CCDC126: variants seen among roughly 807,000 people sequenced by gnomAD.
CCDC126 encodes coiled-coil domain-containing protein 126.
Under a neutral mutation model 11.7 loss-of-function variants are expected in CCDC126, and 5 were observed. That is an observed-to-expected ratio of 0.43 (90% CI 0.22 to 0.90). CCDC126 has a LOEUF of 0.90. Among genes scored for constraint, CCDC126 ranks in the 40% least tolerant of loss-of-function variants. CCDC126 has a pLI of 0.27. For missense variants in CCDC126, 150 were observed against 163.1 expected (o/e 0.92, Z 0.44); for synonymous variants, 60 against 61.9 (o/e 0.97, Z 0.14).
rs1400845232 is a variant in CCDC126 at position 23,644,612 on chromosome 7, A to G, written c.*1497A>G. On this transcript the variant is annotated 3_prime_UTR_variant, in exon 4 of 4. Coordinates refer to ENST00000307471, the MANE Select transcript of CCDC126 (RefSeq NM_138771.4). Reference sequence around the variant, plus strand: ...TAATTATATGCCATTGCCAGGTAGAAGTTTGGAATAATTGTTTAGTCTCTC... The same window carrying G: ...TAATTATATGCCATTGCCAGGTAGAGGTTTGGAATAATTGTTTAGTCTCTC... 6.6e-6 allele frequency: 1 copy of G among 152,514 alleles called. No homozygotes were observed. Among genetic ancestry groups the G allele is most frequent in the African/African-American group, 2.4e-5 (1 of 41,434 alleles). 9.4% of individuals were successfully genotyped at this position (152,514 alleles called of 1,614,324 possible).
chr7:23,629,988 T>A (rs1449379318), intron 3 of CCDC126, among the ~76,000 whole-genome samples: 1 of 152,024 alleles, frequency 6.6e-6, no homozygotes. Flanking sequence ...CAAACCCCAA[T>A]CGGGATAAAC....
Position 23,643,011 on chromosome 7 carries a change from A to AT in CCDC126, c.321dup (p.Val108CysfsTer14). 6.2e-7 allele frequency: 1 copy of AT among 1,614,158 alleles called. No homozygotes were observed. The highest frequency in any genetic ancestry group is 8.5e-7 in the Non-Finnish European group (1 of 1,179,996). ...GAAGCTGGAGAACAAAGTTGACTAT[A>AT]TTGTTGTGAATGGCTCAGCAGCCAA... On this transcript the variant is annotated frameshift_variant, in exon 4 of 4. Coordinates refer to ENST00000307471, the MANE Select transcript of CCDC126 (RefSeq NM_138771.4). LOFTEE classifies it high-confidence loss of function.
chr7:23,597,694 C>A, intron 1 of CCDC126, 89 bp downstream of exon 1: 1 of 152,906 alleles, frequency 6.5e-6, no homozygotes, highest in South Asian at 1.9e-4. Flanking sequence ...CGCCGCGCCC[C>A]CGTCCCCGGT....
At position 23,622,888 on chromosome 7, in the gene CCDC126, T is replaced by G. The variant is rs149666042; in HGVS notation, c.238+11335T>G. The G allele has an allele frequency of 1.2e-3, 441 of 366,514 alleles. 3 individuals carry two copies. Among genetic ancestry groups the G allele is most frequent in the Admixed American group, 1.8e-3 (51 of 29,016 alleles). The allele number at this position is 366,514 out of a possible 1,614,324, so 22.7% of individuals were successfully genotyped here. ...CAATGTTCTCTTGTTGCGAGTTCAT[T>G]ACACATGCAGTAACATGAATTATTA... On this transcript the variant is annotated intron_variant, in intron 3 of 3. Coordinates refer to ENST00000307471, the MANE Select transcript of CCDC126 (RefSeq NM_138771.4).
intron 3 of CCDC126, among the ~76,000 whole-genome samples, chr7:23,634,813 G>T (rs1783178565): frequency 6.6e-6 from 1 of 152,118 alleles, no homozygotes; most frequent in African/African-American, 2.4e-5. Flanking sequence ...CAGACAGCCT[G>T]CCTTGGTTCT....
chr7:23,637,465 A>G (rs866717159), intron 3 of CCDC126, among the ~76,000 whole-genome samples: 75 of 38,866 alleles, frequency 1.9e-3, no homozygotes, highest in Admixed American at 6.9e-3. Context: ...CAGCCGCCCC[A>G]TCCGGGAGGG....
At chr7:23,619,166 G>T (rs1326631610) in intron 3 of CCDC126, among the ~76,000 whole-genome samples, 5 of 152,154 alleles carry the variant, frequency 3.3e-5, no homozygotes, top group Non-Finnish European at 7.3e-5. Context: ...AGGTTTTGGA[G>T]TGGTGCACAG....
rs1782746129 is a variant in CCDC126 at position 23,613,263 on chromosome 7, A to T, written c.238+1710A>T. On this transcript the variant is annotated intron_variant, in intron 3 of 3. Transcript: ENST00000307471. The stretch of plus-strand genomic sequence containing the variant: ...GAGGTTGAGGCTGCAGCAAGGTGTG[A>T]TCACACGCCACTGCACTTAAGCCTG... 5.3e-5 allele frequency among the ~76,000 whole-genome samples: 8 copies of T among 152,232 alleles called. No individual in the cohort carries two copies. The South Asian group carries it at 1.5e-3, about 28-fold the overall frequency.
chr7:23,622,943 C>A, intron 3 of CCDC126: 1 of 210,394 alleles, frequency 4.8e-6, no homozygotes, highest in Non-Finnish European at 9.5e-6. Context: ...CTGCTGTGAG[C>A]TGAGGATGGT....
At chr7:23,628,476 C>T (rs1041637954) in intron 3 of CCDC126, among the ~76,000 whole-genome samples, 1 of 152,244 alleles carries the variant, frequency 6.6e-6, no homozygotes, top group Non-Finnish European at 1.5e-5. Flanking sequence ...TAACAGCTCT[C>T]CTCTAGCCAA....
In CCDC126 at chr7:23,597,984, T is replaced by G. The variant is rs1217779599; in HGVS notation, c.-213T>G. 1 of 152,256 alleles carries G rather than the reference T, an allele frequency of 6.6e-6. No homozygotes were observed. The highest frequency in any genetic ancestry group is 1.5e-5 in the Non-Finnish European group (1 of 68,074). 9.4% of individuals were successfully genotyped at this position (152,256 alleles called of 1,614,324 possible). On this transcript the variant is annotated 5_prime_UTR_variant, in exon 2 of 4. Transcript: ENST00000307471. ...TTTGACAGCTCAGTTCTCTTCTACTTTGGGAGAGAGAGAAAGTCAGATGCC... is the reference window on the plus strand; with the variant it reads ...TTTGACAGCTCAGTTCTCTTCTACTGTGGGAGAGAGAGAAAGTCAGATGCC...
chr7:23,628,503 C>G (rs568070884), intron 3 of CCDC126, among the ~76,000 whole-genome samples: 205 of 152,356 alleles, frequency 1.3e-3, no homozygotes, highest in Non-Finnish European at 2.5e-3. Flanking sequence ...CAGAAAAAAA[C>G]TGTTGCTGCA....
intron 2 of CCDC126, among the ~76,000 whole-genome samples, chr7:23,600,851 G>A (rs1391140078): frequency 6.6e-6 from 1 of 152,184 alleles, no homozygotes; most frequent in African/African-American, 2.4e-5. Context: ...ATGACAGGGA[G>A]TGTGAAATGC....
chr7:23,600,775 C>G (rs1448947498), intron 2 of CCDC126, among the ~76,000 whole-genome samples: 1 of 152,116 alleles, frequency 6.6e-6, no homozygotes, highest in Non-Finnish European at 1.5e-5. Flanking sequence ...GATTAGCCAT[C>G]TATTTGTGTT....
intron 2 of CCDC126, among the ~76,000 whole-genome samples, chr7:23,605,399 T>TG (rs1491448665): frequency 6.7e-6 from 1 of 148,824 alleles, no homozygotes; most frequent in Non-Finnish European, 1.5e-5. Flanking sequence ...TGTGATATGC[T>TG]TGTGTGTGTG....
At chr7:23,597,886 G>C (rs1782456286) in intron 1 of CCDC126, 81 bp from the exon 2 acceptor site, 1 of 152,260 alleles carries the variant, frequency 6.6e-6, no homozygotes, top group Non-Finnish European at 1.5e-5. Context: ...TGCGCGAGTC[G>C]AGCGGGGCGG....
intron 3 of CCDC126, among the ~76,000 whole-genome samples, chr7:23,616,961 G>A (rs1782804024): frequency 6.6e-6 from 1 of 151,950 alleles, no homozygotes; most frequent in Admixed American, 6.6e-5. Flanking sequence ...TTCCATTTCT[G>A]TCTTTTTACT....
At chr7:23,613,190 A>T (rs983024041) in intron 3 of CCDC126, among the ~76,000 whole-genome samples, 1 of 152,244 alleles carries the variant, frequency 6.6e-6, no homozygotes, top group African/African-American at 2.4e-5. Flanking sequence ...GCGCACTTGT[A>T]GTTCCAGCTA....
chr7:23,612,781 A>G (rs1276968648), intron 3 of CCDC126, among the ~76,000 whole-genome samples: 1 of 152,206 alleles, frequency 6.6e-6, no homozygotes, highest in African/African-American at 2.4e-5. Context: ...CATCAATTGT[A>G]TAGCATTTAT....
Sources: gnomAD v4.1 joint callset for allele counts (sites outside exome capture counted in the v4.1 genomes callset) on GRCh38, gnomAD v4.1.1 for gene constraint, MANE v1.5 for transcripts, NCBI Gene and HGNC (gene_info 2026-07-23, HGNC 2026-07-21) for gene names.